EXD3: variants seen among roughly 807,000 people sequenced by gnomAD.
EXD3 encodes the protein exonuclease mut-7 homolog.
Under a neutral mutation model 98.0 loss-of-function variants are expected in EXD3, and 92 were observed. The observed-to-expected ratio is 0.94, with a 90% CI of 0.79 to 1.12. EXD3 has a LOEUF of 1.12. Among genes scored for constraint, EXD3 ranks in the 50% most tolerant of loss-of-function variants. The probability of loss-of-function intolerance (pLI) is 0.00; values close to 1 mark genes in which losing one functional copy is unlikely to be tolerated. For missense variants in EXD3, 1,222 were observed against 1,191.6 expected, an observed-to-expected ratio of 1.03 and a Z score of -0.38; for synonymous variants, 569 against 526.0, an observed-to-expected ratio of 1.08 and a Z score of -1.12.
intron 1 of EXD3, among the ~76,000 whole-genome samples, chr9:137,414,799 G>T (rs1265498314): frequency 6.6e-6 from 1 of 152,184 alleles, no homozygotes; most frequent in East Asian, 1.9e-4. Flanking sequence ...CCACTCCAGG[G>T]GGGTGCTGGC....
At chr9:137,392,598 C>A in intron 2 of EXD3, 1 of 263,026 alleles carries the variant, frequency 3.8e-6, no homozygotes, top group South Asian at 4.2e-5. Context: ...CAGAGCTGGA[C>A]ACGAACCATG....
intron 5 of EXD3, among the ~76,000 whole-genome samples, chr9:137,369,567 G>C (rs915838699): frequency 3.3e-5 from 5 of 152,300 alleles, no homozygotes; most frequent in African/African-American, 4.8e-5. Flanking sequence ...GACACAGCAA[G>C]GGGCAGGTGG....
chr9:137,311,042 CCT>C (rs1001699447), intron 19 of EXD3, among the ~76,000 whole-genome samples: 4 of 152,232 alleles, frequency 2.6e-5, no homozygotes, highest in Non-Finnish European at 5.9e-5. Context: ...GCTGTCTTCC[CCT>C]GAGCCTTTCG....
chr9:137,321,134 C>T (rs534861584), intron 19 of EXD3, among the ~76,000 whole-genome samples: 184 of 152,366 alleles, frequency 1.2e-3, no homozygotes, highest in African/African-American at 4.3e-3. Context: ...AGATCCGAGC[C>T]GAGCCGGAGC....
chr9:137,414,943 A>AG (rs1293414146), intron 1 of EXD3, among the ~76,000 whole-genome samples: 5 of 152,162 alleles, frequency 3.3e-5, no homozygotes, highest in East Asian at 3.9e-4. Context: ...GCTGGAGTGC[A>AG]GGGGGGCGAT....
At chr9:137,315,517 C>A (rs1234071844) in intron 19 of EXD3, among the ~76,000 whole-genome samples, 1 of 152,110 alleles carries the variant, frequency 6.6e-6, no homozygotes, top group Admixed American at 6.5e-5. Context: ...CCCGGCTGAC[C>A]CGGTCCAGGA....
chr9:137,379,486 C>A (rs112346932), intron 3 of EXD3, among the ~76,000 whole-genome samples: 3 of 28,370 alleles, frequency 1.1e-4, no homozygotes, highest in Non-Finnish European at 1.7e-4. Context: ...ACGGGGTTTG[C>A]GGGTGACGGT....
At chr9:137,381,098 T>TCTCTCACACACA (rs769476087) in intron 3 of EXD3, 1 of 134,658 alleles carries the variant, frequency 7.4e-6, no homozygotes, top group Non-Finnish European at 1.6e-5. Context: ...AGACTCTGTC[T>TCTCTCACACACA]CACACACACA....
In EXD3 at chr9:137,354,772, C is replaced by T. The variant is rs376475748; in HGVS notation, c.759G>A (p.Ala253=). 3.5e-4 allele frequency: 558 copies of T among 1,608,958 alleles called. No individual in the cohort carries two copies. Among genetic ancestry groups the T allele is most frequent in the Non-Finnish European group, 4.2e-4 (501 of 1,179,254 alleles). Reference sequence around the variant, plus strand: ...GCTGAATGGCCGCGTTGGGACACAGCGCTGAAAGGAAAGGCCAGCTCAGCA... The same window carrying T: ...GCTGAATGGCCGCGTTGGGACACAGTGCTGAAAGGAAAGGCCAGCTCAGCA... The part of the protein sequence containing the change: ...RLQERYGVAP[A]LCPNAAIQQR... The change falls in exon 9 of 22, where the codon GCG becomes GCA. Residue 253 remains alanine, a splice_region_variant and synonymous_variant. Coordinates refer to ENST00000340951, the MANE Select transcript of EXD3 (RefSeq NM_017820.5).
intron 2 of EXD3, among the ~76,000 whole-genome samples, chr9:137,388,790 C>T (rs1049766852): frequency 2.0e-4 from 31 of 152,292 alleles, no homozygotes; most frequent in Non-Finnish European, 8.8e-5. Flanking sequence ...CCGTCCCACA[C>T]CTGCCAGCAG....
At chr9:137,419,910 A>G (rs544161221) in intron 1 of EXD3, among the ~76,000 whole-genome samples, 8 of 152,336 alleles carry the variant, frequency 5.3e-5, no homozygotes, top group Non-Finnish European at 1.2e-4. Context: ...CTGTAATCCC[A>G]GCACTTTGGG....
intron 2 of EXD3, among the ~76,000 whole-genome samples, chr9:137,391,554 G>A (rs1005526277): frequency 4.6e-5 from 7 of 151,900 alleles, no homozygotes; most frequent in African/African-American, 1.7e-4. Context: ...CTGCCAGAGG[G>A]CCGGCCTCCC....
intron 1 of EXD3, among the ~76,000 whole-genome samples, chr9:137,422,271 AG>A (rs1001923666): frequency 1.3e-5 from 2 of 152,142 alleles, no homozygotes; most frequent in East Asian, 1.9e-4. Flanking sequence ...TTTGATCAAA[AG>A]GGGGGCAAAT....
intron 21 of EXD3, 38 bp downstream of exon 21, chr9:137,307,570 A>C: frequency 6.2e-7 from 1 of 1,606,132 alleles, no homozygotes; most frequent in East Asian, 2.2e-5. Flanking sequence ...GGCCGCAGAG[A>C]AGCAGCTGTG....
chr9:137,418,216 A>G (rs145236041), intron 1 of EXD3, among the ~76,000 whole-genome samples: 344 of 152,252 alleles, frequency 2.3e-3, no homozygotes, highest in African/African-American at 8.0e-3. Flanking sequence ...GCGTGGTGGC[A>G]TGCACCTGTA....
At chr9:137,420,012 T>C (rs1838433755) in intron 1 of EXD3, among the ~76,000 whole-genome samples, 1 of 151,822 alleles carries the variant, frequency 6.6e-6, no homozygotes, top group African/African-American at 2.4e-5. Context: ...ACAAAAAAAT[T>C]AGCCGGGCAT....
intron 2 of EXD3, among the ~76,000 whole-genome samples, chr9:137,384,176 G>A (rs1836468051): frequency 6.6e-6 from 1 of 152,220 alleles, no homozygotes; most frequent in Non-Finnish European, 1.5e-5. Context: ...CCCCTGCAGG[G>A]CAGGACGGGA....
At chr9:137,365,715 C>G (rs1242594262) in intron 7 of EXD3, 1 of 308,928 alleles carries the variant, frequency 3.2e-6, no homozygotes, top group Non-Finnish European at 6.3e-6. Flanking sequence ...CCCATGCACA[C>G]ACACATACAA....
chr9:137,309,755 A>C, intron 19 of EXD3, 55 bp from the exon 20 acceptor site: 1 of 1,353,908 alleles, frequency 7.4e-7, no homozygotes, highest in Non-Finnish European at 1.0e-6. Context: ...GGTGCCCCAT[A>C]CCCCAGCCCT....
Sources: gnomAD v4.1 joint callset for allele counts (sites outside exome capture counted in the v4.1 genomes callset) on GRCh38, gnomAD v4.1.1 for gene constraint, MANE v1.5 for transcripts, NCBI Gene and HGNC (gene_info 2026-07-23, HGNC 2026-07-21) for gene names.